The following GGA3 variants were observed in gnomAD, a reference collection of about 807,000 sequenced individuals.
GGA3 encodes the protein ADP-ribosylation factor-binding protein GGA3.
Under a neutral mutation model 77.5 loss-of-function variants are expected in GGA3, and 57 were observed. The ratio of observed to expected loss-of-function variants is 0.74; its 90% confidence interval spans 0.59 to 0.92. GGA3 has a LOEUF of 0.92. GGA3 is among the 40% of genes least tolerant of loss of function. The pLI, the probability that GGA3 is intolerant of heterozygous loss-of-function variation, is 0.00. For synonymous variants in GGA3, 416 were observed against 383.7 expected, an observed-to-expected ratio of 1.08 and a Z score of -0.98; for missense variants, 970 against 914.9, an observed-to-expected ratio of 1.06 and a Z score of -0.78.
upstream of GGA3, chr17:75,261,907 GC>G: frequency 6.2e-7 from 1 of 1,608,588 alleles, no homozygotes. Flanking sequence ...CAAGATGGCT[GC>G]CCCCGCAGTG....
At position 75,237,754 on chromosome 17, in the gene GGA3, C is replaced by G; in HGVS notation, c.*525G>C. On this transcript the variant is annotated 3_prime_UTR_variant, in exon 17 of 17. Transcript: ENST00000537686. ...AGTATGCCAGTTCCTTATTCTGGGC[C>G]AGGCACCTTCCTGGGCCACCTCCCT... The G allele has an allele frequency of 2.8e-6, 4 of 1,431,470 alleles. No individual in the cohort carries two copies. The highest frequency in any genetic ancestry group is 3.6e-6 in the Non-Finnish European group (4 of 1,097,406). 88.7% of individuals were successfully genotyped at this position (1,431,470 alleles called of 1,614,324 possible).
At chr17:75,253,240 C>T (rs1162850622) in intron 1 of GGA3, among the ~76,000 whole-genome samples, 2 of 152,222 alleles carry the variant, frequency 1.3e-5, no homozygotes, top group Admixed American at 1.3e-4. Flanking sequence ...ACCTCTCTCA[C>T]TATCCCTCAA....
chr17:75,258,099 C>T (rs974893747), intron 1 of GGA3, among the ~76,000 whole-genome samples: 1 of 152,138 alleles, frequency 6.6e-6, no homozygotes, highest in Non-Finnish European at 1.5e-5. Flanking sequence ...GAGATCCATC[C>T]CTGCCCGCAA....
In GGA3 at chr17:75,246,561, A is replaced by G; in HGVS notation, c.149T>C (p.Leu50Pro). Reference protein sequence around the residue: ...LEGPQIAVRLLAHKIQSPQEW... With the variant: ...LEGPQIAVRLPAHKIQSPQEW... The stretch of plus-strand genomic sequence containing the variant: ...CTGTGGGGACTGGATCTTGTGGGCC[A>G]GCAGTCGGACGGCGATCTGTGGCCT... Residue 50 changes from leucine to proline, a missense_variant, in exon 3 of 17, where the codon CTG becomes CCG. Leu to Pro is a moderately conservative substitution (Grantham distance 98, BLOSUM62 -3). Transcript: ENST00000537686. 6.2e-7 allele frequency: 1 copy of G among 1,614,016 alleles called. No homozygotes were observed. Among genetic ancestry groups the G allele is most frequent in the Non-Finnish European group, 8.5e-7 (1 of 1,179,872 alleles).
intron 5 of GGA3, 103 bp downstream of exon 5, chr17:75,243,344 T>A (rs1370660276): frequency 6.9e-7 from 1 of 1,446,400 alleles, no homozygotes; most frequent in Non-Finnish European, 9.6e-7. Flanking sequence ...ACAAATGCTG[T>A]TCTCTTCAGG....
chr17:75,240,559 G>T (rs377007960), intron 11 of GGA3, 147 bp from the exon 12 acceptor site: 33 of 673,008 alleles, frequency 4.9e-5, no homozygotes, highest in East Asian at 4.6e-4. Context: ...CTCCAGAGGG[G>T]AATGGAGCGC....
In GGA3 at chr17:75,253,878, G is replaced by A. The variant is rs751625357; in HGVS notation, c.41-7082C>T. Among the ~76,000 whole-genome samples, 25 of 151,970 alleles carry A rather than the reference G, an allele frequency of 1.6e-4. No individual in the cohort carries two copies. The East Asian group carries it at 3.9e-3, about 24-fold the overall frequency. ...TGTGTTCTCAAGAACTTAAAACCTC[G>A]TCAACTCGCACCTGACCTAAAACCT... On this transcript the variant is annotated intron_variant, in intron 1 of 16. Coordinates refer to ENST00000537686, the MANE Select transcript of GGA3 (RefSeq NM_138619.4).
chr17:75,247,302 G>C (rs1385979415), intron 1 of GGA3, among the ~76,000 whole-genome samples: 2 of 144,926 alleles, frequency 1.4e-5, no homozygotes, highest in African/African-American at 5.1e-5. Context: ...CGCTCTTGTT[G>C]CCCAGGCTGT....
upstream of GGA3, chr17:75,261,697 C>T: frequency 3.3e-6 from 4 of 1,201,782 alleles, no homozygotes; most frequent in Non-Finnish European, 4.6e-6. Context: ...TCACCGAGGG[C>T]CGCGCCAGAC....
rs1030094346 is a variant in GGA3 at position 75,238,036 on chromosome 17, G to A, written c.*243C>T. On this transcript the variant is annotated 3_prime_UTR_variant, in exon 17 of 17. Coordinates refer to ENST00000537686, the MANE Select transcript of GGA3 (RefSeq NM_138619.4). ...CAGCAGTGAAGTCAGGGGCCACTCC[G>A]CACCCCTGACAGCATATGGCCACTT... The A allele has an allele frequency of 2.4e-5, 31 of 1,306,226 alleles. No individual in the cohort carries two copies. In the South Asian group the frequency reaches 3.5e-4, roughly 15 times the overall value. 80.9% of individuals were successfully genotyped at this position (1,306,226 alleles called of 1,614,324 possible).
At chr17:75,245,559 A>T (rs1454472323) in intron 3 of GGA3, among the ~76,000 whole-genome samples, 2 of 151,808 alleles carry the variant, frequency 1.3e-5, no homozygotes, top group African/African-American at 2.4e-5. Flanking sequence ...GAATCTCGCT[A>T]TGTTGGTCAG....
chr17:75,248,773 A>G (rs1689830512), intron 1 of GGA3: 1 of 861,062 alleles, frequency 1.2e-6, no homozygotes, highest in South Asian at 5.3e-5. Context: ...GCAACAAGTG[A>G]AAACTCTGTC....
intron 16 of GGA3, 22 bp downstream of exon 16, chr17:75,238,630 C>T: frequency 6.4e-7 from 1 of 1,553,334 alleles, no homozygotes; most frequent in South Asian, 1.1e-5. Context: ...AGGCTGGGAC[C>T]CCTGGGTTCT....
chr17:75,254,107 C>T lies in GGA3; in HGVS notation c.41-7311G>A, dbSNP rs141665830. 7.2e-5 allele frequency among the ~76,000 whole-genome samples: 11 copies of T among 152,292 alleles called. No individual in the cohort carries two copies. The East Asian group carries it at 1.9e-3, about 27-fold the overall frequency. ...CCCTCTCAAGTCTCTGTTCCCAATG[C>T]GATTCCTCCCAAATCCTCCTTCTTT... On this transcript the variant is annotated intron_variant, in intron 1 of 16. Coordinates refer to ENST00000537686, the MANE Select transcript of GGA3 (RefSeq NM_138619.4).
Position 75,242,912 on chromosome 17 carries a change from C to G in GGA3, c.529-1G>C. The stretch of plus-strand genomic sequence containing the variant: ...TGCTTTTCAGCAGCTTGGCTAAAAG[C>G]TGAGAGAGGAGGAAATCAGAGGTGA... On this transcript the variant is annotated splice_acceptor_variant, in intron 6 of 16. Transcript: ENST00000537686. LOFTEE classifies it high-confidence loss of function. The G allele has an allele frequency of 6.2e-7, 1 of 1,612,686 alleles. No individual in the cohort carries two copies. The highest frequency in any genetic ancestry group is 8.5e-7 in the Non-Finnish European group (1 of 1,178,714).
chr17:75,244,001 C>T (rs912966447), intron 4 of GGA3, among the ~76,000 whole-genome samples: 2 of 152,106 alleles, frequency 1.3e-5, no homozygotes, highest in Non-Finnish European at 2.9e-5. Flanking sequence ...TTCCTTACTA[C>T]CTTGGGGACA....
Position 75,237,730 on chromosome 17 carries a change from G to A in GGA3, c.*549C>T, listed in dbSNP as rs1263894063. 7.0e-7 allele frequency: 1 copy of A among 1,437,062 alleles called. No homozygotes were observed. Among genetic ancestry groups the A allele is most frequent in the Non-Finnish European group, 9.1e-7 (1 of 1,098,556 alleles). 89.0% of individuals were successfully genotyped at this position (1,437,062 alleles called of 1,614,324 possible). On this transcript the variant is annotated 3_prime_UTR_variant, in exon 17 of 17. Transcript: ENST00000537686. The stretch of plus-strand genomic sequence containing the variant: ...CAGAGGCAGGGCTGGGGACTTTGCA[G>A]TATGCCAGTTCCTTATTCTGGGCCA...
chr17:75,239,146 G>C (rs528008009), intron 14 of GGA3, 63 bp from the exon 15 acceptor site: 1 of 1,483,674 alleles, frequency 6.7e-7, no homozygotes, highest in Non-Finnish European at 9.2e-7. Flanking sequence ...GAGCCCCGGC[G>C]GTGAGGAGAA....
chr17:75,241,557 G>A, intron 9 of GGA3, 41 bp from the exon 10 acceptor site: 1 of 1,600,886 alleles, frequency 6.2e-7, no homozygotes, highest in African/African-American at 1.3e-5. Flanking sequence ...TGTTGTGACA[G>A]TTCCCACCCA....
Sources: gnomAD v4.1 joint callset for allele counts (sites outside exome capture counted in the v4.1 genomes callset) on GRCh38, gnomAD v4.1.1 for gene constraint, MANE v1.5 for transcripts, NCBI Gene and HGNC (gene_info 2026-07-23, HGNC 2026-07-21) for gene names.